The following TMC1 variants were observed in gnomAD, a reference collection of about 807,000 sequenced individuals.
TMC1 encodes transmembrane channel like 1.
TMC1 carries 84 observed loss-of-function variants against 105.8 expected under a neutral mutation model. That is an observed-to-expected ratio of 0.79 (90% CI 0.67 to 0.95). The LOEUF (loss-of-function observed/expected upper bound fraction) is 0.95. Among genes scored for constraint, TMC1 ranks in the 40% least tolerant of loss-of-function variants. The pLI is 0.00. For missense variants in TMC1, 817 were observed against 914.1 expected (o/e 0.89, Z 1.37); for synonymous variants, 315 against 311.5 (o/e 1.01, Z -0.12).
chr9:72,709,684 A>G (rs1458000540), intron 8 of TMC1, among the ~76,000 whole-genome samples: 1 of 151,898 alleles, frequency 6.6e-6, no homozygotes, highest in Non-Finnish European at 1.5e-5. Flanking sequence ...GATCTTTTGT[A>G]TTTCTGTGGT....
chr9:72,609,958 C>T (rs1824996772), intron 2 of TMC1, among the ~76,000 whole-genome samples: 2 of 152,104 alleles, frequency 1.3e-5, no homozygotes, highest in Non-Finnish European at 2.9e-5. Context: ...ACCACTTTGT[C>T]TTGTACATTT....
At chr9:72,741,405 A>G in intron 9 of TMC1, 1 of 445,060 alleles carries the variant, frequency 2.2e-6, no homozygotes, top group Non-Finnish European at 4.2e-6. Context: ...ATGAAGTCTC[A>G]ACACAAGATG....
chr9:72,536,943 C>T (rs1357853083), intron 1 of TMC1, among the ~76,000 whole-genome samples: 1 of 152,196 alleles, frequency 6.6e-6, no homozygotes, highest in Non-Finnish European at 1.5e-5. Flanking sequence ...CAGACTTCTG[C>T]CTGCCTTCCC....
chr9:72,771,775 G>C (rs56784263), intron 12 of TMC1, among the ~76,000 whole-genome samples: 15,740 of 152,224 alleles, frequency 0.1, 912 homozygotes, highest in Non-Finnish European at 0.14. Flanking sequence ...GAGTTATTCA[G>C]GTGGCTTTGA....
chr9:72,700,469 G>C, intron 7 of TMC1, 49 bp from the exon 8 acceptor site: 1 of 1,497,850 alleles, frequency 6.7e-7, no homozygotes, highest in Non-Finnish European at 9.0e-7. Context: ...AAGTTCCAAA[G>C]TCAAGCAAAG....
At chr9:72,598,482 A>T (rs542929049) in intron 2 of TMC1, among the ~76,000 whole-genome samples, 1 of 151,160 alleles carries the variant, frequency 6.6e-6, no homozygotes, top group East Asian at 1.9e-4. Context: ...TGAGGTGCTG[A>T]TTGTTCTCTG....
chr9:72,720,566 A>G (rs1421970471), intron 8 of TMC1, among the ~76,000 whole-genome samples: 1 of 152,170 alleles, frequency 6.6e-6, no homozygotes, highest in Non-Finnish European at 1.5e-5. Flanking sequence ...TGGGCCAATG[A>G]TAGGTACAAG....
intron 5 of TMC1, among the ~76,000 whole-genome samples, chr9:72,654,661 T>C (rs1409594305): frequency 6.6e-6 from 1 of 152,150 alleles, no homozygotes; most frequent in Non-Finnish European, 1.5e-5. Flanking sequence ...TGCATTTTAT[T>C]CTGTATATAT....
chr9:72,834,932 G>C (rs1829097428), intron 23 of TMC1, among the ~76,000 whole-genome samples: 1 of 152,050 alleles, frequency 6.6e-6, no homozygotes, highest in South Asian at 2.1e-4. Flanking sequence ...AGAGGTACCT[G>C]TTGCTGCAAA....
At chr9:72,666,603 C>T (rs17058074) in intron 5 of TMC1, among the ~76,000 whole-genome samples, 15,498 of 152,168 alleles carry the variant, frequency 0.1, 965 homozygotes, top group African/African-American at 0.16. Context: ...TGGGGTCACT[C>T]ATTTATTCAT....
At chr9:72,750,869 T>G (rs985533348) in intron 10 of TMC1, among the ~76,000 whole-genome samples, 1 of 152,212 alleles carries the variant, frequency 6.6e-6, no homozygotes, top group African/African-American at 2.4e-5. Context: ...TGAGTTTTAT[T>G]CCTCAGTAGT....
At chr9:72,620,369 G>A (rs894881766) in intron 3 of TMC1, among the ~76,000 whole-genome samples, 5 of 151,982 alleles carry the variant, frequency 3.3e-5, no homozygotes, top group Admixed American at 2.6e-4. Flanking sequence ...AGCCTCCTGA[G>A]TAGCCGGGAC....
intron 8 of TMC1, among the ~76,000 whole-genome samples, chr9:72,719,831 G>A (rs1826991750): frequency 6.6e-6 from 1 of 152,118 alleles, no homozygotes; most frequent in East Asian, 1.9e-4. Flanking sequence ...TTTTTCATCT[G>A]CAGAATGGAG....
At chr9:72,601,730 A>G (rs1042560873) in intron 2 of TMC1, among the ~76,000 whole-genome samples, 5 of 151,938 alleles carry the variant, frequency 3.3e-5, no homozygotes, top group Middle Eastern at 3.4e-3. Context: ...GTAGTTTCAT[A>G]TACTTGGGAG....
chr9:72,615,582 A>G (rs2132123005), intron 2 of TMC1, among the ~76,000 whole-genome samples: 1 of 152,300 alleles, frequency 6.6e-6, no homozygotes, highest in East Asian at 1.9e-4. Context: ...AGTTATTTCC[A>G]AAATGTCTTT....
At chr9:72,720,255 C>G (rs1297891111) in intron 8 of TMC1, among the ~76,000 whole-genome samples, 1 of 152,190 alleles carries the variant, frequency 6.6e-6, no homozygotes, top group Non-Finnish European at 1.5e-5. Flanking sequence ...ATGGAGGTCT[C>G]TAAGTACACT....
At chr9:72,657,067 C>T (rs1366700037) in intron 5 of TMC1, among the ~76,000 whole-genome samples, 1 of 152,184 alleles carries the variant, frequency 6.6e-6, no homozygotes, top group African/African-American at 2.4e-5. Flanking sequence ...ATGCACATAG[C>T]GGTATTCAGC....
At chr9:72,571,794 G>GCAA (rs1297740250) in intron 1 of TMC1, among the ~76,000 whole-genome samples, 1 of 151,708 alleles carries the variant, frequency 6.6e-6, no homozygotes, top group African/African-American at 2.4e-5. Flanking sequence ...TTCTTTAGAA[G>GCAA]CAACAATATA....
intron 8 of TMC1, among the ~76,000 whole-genome samples, chr9:72,724,179 A>C (rs112331916): frequency 0.017 from 2,666 of 152,346 alleles, 35 homozygotes; most frequent in Non-Finnish European, 0.028. Flanking sequence ...GCTGTAATAG[A>C]ATATCACAGA....
Sources: gnomAD v4.1 joint callset for allele counts (sites outside exome capture counted in the v4.1 genomes callset) on GRCh38, gnomAD v4.1.1 for gene constraint, MANE v1.5 for transcripts, NCBI Gene and HGNC (gene_info 2026-07-23, HGNC 2026-07-21) for gene names.